The following SYT9 variants were observed in gnomAD, a reference collection of about 807,000 sequenced individuals.
SYT9 encodes the protein synaptotagmin 9, also known as synaptotagmin-9.
A neutral mutation model predicts 48.4 loss-of-function variants in SYT9; 22 were observed. That is an observed-to-expected ratio of 0.45 (90% CI 0.32 to 0.65). The LOEUF is 0.65. SYT9 is among the 30% of genes least tolerant of loss of function. The probability of loss-of-function intolerance (pLI) is 0.03; values close to 1 mark genes in which losing one functional copy is unlikely to be tolerated. For missense variants in SYT9, 577 were observed against 622.0 expected, an observed-to-expected ratio of 0.93 and a Z score of 0.77; for synonymous variants, 265 against 245.0, an observed-to-expected ratio of 1.08 and a Z score of -0.76.
rs568716535 is a variant in SYT9 at position 7,433,847 on chromosome 11, C to A, written c.1467+13212C>A. ...TTCTGTCATTTATAAATTATCCAATCTAAGATATTTTGTTATAGTAGCCCA... is the reference window on the plus strand; with the variant it reads ...TTCTGTCATTTATAAATTATCCAATATAAGATATTTTGTTATAGTAGCCCA... On this transcript the variant is annotated intron_variant, in intron 6 of 6. Transcript: ENST00000318881. Among the ~76,000 whole-genome samples, 16 of 152,322 alleles carry A rather than the reference C, an allele frequency of 1.1e-4. No homozygotes were observed. The South Asian group carries it at 1.2e-3, about 12-fold the overall frequency.
intron 3 of SYT9, among the ~76,000 whole-genome samples, chr11:7,389,182 T>C (rs1466860590): frequency 6.6e-6 from 1 of 152,132 alleles, no homozygotes; most frequent in Non-Finnish European, 1.5e-5. Flanking sequence ...TACAGAAAAC[T>C]GTAACTCTGA....
chr11:7,303,382 G>T lies in SYT9; in HGVS notation c.489G>T (p.Ser163=). ...AGCGCCAAGTCACAGAGCCAACCTC[G>T]TCGGCCCGGTCAGTAATGCCTTCTC... ...RVQRQVTEPT[S]SARHNSIRRQ... Residue 163 remains serine, a synonymous_variant, in exon 2 of 7, where the codon TCG becomes TCT. Coordinates refer to ENST00000318881, the MANE Select transcript of SYT9 (RefSeq NM_175733.4). 6.2e-7 allele frequency: 1 copy of T among 1,605,652 alleles called. No individual in the cohort carries two copies. The highest frequency in any genetic ancestry group is 8.5e-7 in the Non-Finnish European group (1 of 1,177,198).
At chr11:7,314,554 A>G (rs1849206354) in intron 3 of SYT9, among the ~76,000 whole-genome samples, 1 of 152,244 alleles carries the variant, frequency 6.6e-6, no homozygotes, top group South Asian at 2.1e-4. Flanking sequence ...TTTAGGGCTC[A>G]GGAGAGAAGT....
At chr11:7,350,615 C>G (rs1258972848) in intron 3 of SYT9, among the ~76,000 whole-genome samples, 1 of 152,150 alleles carries the variant, frequency 6.6e-6, no homozygotes, top group African/African-American at 2.4e-5. Context: ...TTTCCTTCAT[C>G]TTCCATATCT....
At position 7,258,568 on chromosome 11, in the gene SYT9, A is replaced by C. The variant is rs566870348; in HGVS notation, c.145+6237A>C. Among the ~76,000 whole-genome samples the C allele has an allele frequency of 1.7e-4, 26 of 152,280 alleles. No individual in the cohort carries two copies. In the South Asian group the frequency reaches 5.4e-3, roughly 32 times the overall value. ...TGATAGAACTGCACTTGAAAGAAAA[A>C]AAAATCTTCTAGGACATCAAGATGA... On this transcript the variant is annotated intron_variant, in intron 1 of 6. Coordinates refer to ENST00000318881, the MANE Select transcript of SYT9 (RefSeq NM_175733.4).
At chr11:7,424,260 C>A (rs1335356867) in intron 6 of SYT9, among the ~76,000 whole-genome samples, 1 of 152,122 alleles carries the variant, frequency 6.6e-6, no homozygotes, top group Non-Finnish European at 1.5e-5. Context: ...CAAAGGTCAG[C>A]CAGTAGGGCT....
intron 1 of SYT9, among the ~76,000 whole-genome samples, chr11:7,266,790 A>G (rs1288844003): frequency 1.3e-5 from 2 of 152,008 alleles, no homozygotes; most frequent in Non-Finnish European, 1.5e-5. Context: ...AGTGCTACAG[A>G]CAATCATCAG....
chr11:7,446,660 C>A (rs182532326), intron 6 of SYT9, among the ~76,000 whole-genome samples: 1 of 152,222 alleles, frequency 6.6e-6, no homozygotes, highest in African/African-American at 2.4e-5. Flanking sequence ...GCCATCCCCC[C>A]CAGCCTCTCT....
intron 1 of SYT9, among the ~76,000 whole-genome samples, chr11:7,300,651 C>G (rs759161973): frequency 3.4e-4 from 52 of 152,202 alleles, no homozygotes; most frequent in Admixed American, 1.6e-3. Flanking sequence ...GAAGTTTTGT[C>G]TCCATTTAGA....
chr11:7,358,721 A>G (rs1383004003), intron 3 of SYT9, among the ~76,000 whole-genome samples: 2 of 152,176 alleles, frequency 1.3e-5, no homozygotes, highest in African/African-American at 4.8e-5. Context: ...CCATCATGCT[A>G]TGTGGTGGAA....
rs1358633190 is a variant in SYT9 at position 7,468,422 on chromosome 11, CAA to C, written c.*1624_*1625del. ...TGATTGGCTTCCAACCACTGGGATTCAAAGAGAATCCAAGGTTCTGCCTATGT... is the reference window on the plus strand; with the variant it reads ...TGATTGGCTTCCAACCACTGGGATTCAGAGAATCCAAGGTTCTGCCTATGT... On this transcript the variant is annotated 3_prime_UTR_variant, in exon 7 of 7. Coordinates refer to ENST00000318881, the MANE Select transcript of SYT9 (RefSeq NM_175733.4). 5.0e-6 allele frequency: 2 copies of C among 397,636 alleles called. No individual in the cohort carries two copies. The highest frequency in any genetic ancestry group is 8.9e-6 in the Non-Finnish European group (2 of 225,654). 24.6% of individuals were successfully genotyped at this position (397,636 alleles called of 1,614,324 possible).
At chr11:7,333,351 G>C (rs1849576750) in intron 3 of SYT9, among the ~76,000 whole-genome samples, 1 of 152,186 alleles carries the variant, frequency 6.6e-6, no homozygotes, top group African/African-American at 2.4e-5. Flanking sequence ...GGTAGTGCTG[G>C]ATCAAGGGTC....
At position 7,280,429 on chromosome 11, in the gene SYT9, T is replaced by C. The variant is rs755149579; in HGVS notation, c.146-22610T>C. The stretch of plus-strand genomic sequence containing the variant: ...AGCAACTTCTTGAATCAGATAATAG[T>C]TTTTTAATATTGGAAGAATATGTCC... On this transcript the variant is annotated intron_variant, in intron 1 of 6. Coordinates refer to ENST00000318881, the MANE Select transcript of SYT9 (RefSeq NM_175733.4). Among the ~76,000 whole-genome samples, 15 of 152,340 alleles carry C rather than the reference T, an allele frequency of 9.8e-5. No homozygotes were observed. The South Asian group carries it at 1.5e-3, about 15-fold the overall frequency.
At chr11:7,450,765 C>G (rs1044470549) in intron 6 of SYT9, among the ~76,000 whole-genome samples, 12 of 152,124 alleles carry the variant, frequency 7.9e-5, no homozygotes, top group Non-Finnish European at 1.3e-4. Context: ...TTTTCTTTTC[C>G]TTCTCTTGCC....
intron 1 of SYT9, among the ~76,000 whole-genome samples, chr11:7,242,936 C>T: frequency 6.6e-6 from 1 of 152,082 alleles, no homozygotes; most frequent in African/African-American, 2.4e-5. Context: ...ATCCCAGCTC[C>T]TCGGCAGGCT....
At chr11:7,277,083 C>G (rs1329364447) in intron 1 of SYT9, among the ~76,000 whole-genome samples, 1 of 151,816 alleles carries the variant, frequency 6.6e-6, no homozygotes, top group African/African-American at 2.4e-5. Context: ...AACAAACAAA[C>G]AAACATTATC....
chr11:7,382,686 TG>T (rs762539677), intron 3 of SYT9, among the ~76,000 whole-genome samples: 1 of 152,220 alleles, frequency 6.6e-6, no homozygotes, highest in Non-Finnish European at 1.5e-5. Context: ...TGCTTTTCGT[TG>T]ACCGTAAGGA....
chr11:7,406,419 A>G (rs1037501173), intron 3 of SYT9, among the ~76,000 whole-genome samples: 1 of 151,932 alleles, frequency 6.6e-6, no homozygotes, highest in South Asian at 2.1e-4. Context: ...GAGAACATGT[A>G]TCTGTCTTTC....
intron 3 of SYT9, among the ~76,000 whole-genome samples, chr11:7,337,533 G>A (rs543807063): frequency 6.6e-6 from 1 of 152,194 alleles, no homozygotes; most frequent in Middle Eastern, 3.4e-3. Context: ...TTTGAAGTAT[G>A]TTCCTTCAAG....
Sources: gnomAD v4.1 joint callset for allele counts (sites outside exome capture counted in the v4.1 genomes callset) on GRCh38, gnomAD v4.1.1 for gene constraint, MANE v1.5 for transcripts, NCBI Gene and HGNC (gene_info 2026-07-23, HGNC 2026-07-21) for gene names.